The following RPSA2 variants were observed in gnomAD, a reference collection of about 807,000 sequenced individuals.
The protein encoded by RPSA2 is small ribosomal subunit protein uS2B.
chr19:23,758,889 G>C, the RPSA2 span: 1 of 1,184,530 alleles, frequency 8.4e-7, no homozygotes, highest in Non-Finnish European at 1.2e-6. Context: ...TGAAGGGAGA[G>C]ACAAAGGCCC....
chr19:23,836,535 G>A, the RPSA2 span, among the ~76,000 whole-genome samples: 1 of 152,204 alleles, frequency 6.6e-6, no homozygotes, highest in African/African-American at 2.4e-5. Context: ...TAGATACCCA[G>A]TAGTGGGATT....
At chr19:23,762,162 C>T in the RPSA2 span, among the ~76,000 whole-genome samples, 1 of 150,374 alleles carries the variant, frequency 6.7e-6, no homozygotes, top group Non-Finnish European at 1.5e-5. Context: ...GTGATCAGCC[C>T]ACCTCAGCCT....
chr19:23,786,153 A>G, the RPSA2 span, among the ~76,000 whole-genome samples: 4 of 152,252 alleles, frequency 2.6e-5, no homozygotes, highest in African/African-American at 9.6e-5. Context: ...GCTTAGGGCC[A>G]GAGTAAACAC....
chr19:23,853,951 G>A, the RPSA2 span, among the ~76,000 whole-genome samples: 2 of 152,140 alleles, frequency 1.3e-5, no homozygotes, highest in African/African-American at 2.4e-5. Flanking sequence ...TATCTACTAG[G>A]CCATCAAACT....
the RPSA2 span, among the ~76,000 whole-genome samples, chr19:23,857,007 C>T: frequency 6.6e-6 from 1 of 152,158 alleles, no homozygotes; most frequent in South Asian, 2.1e-4. Context: ...GTTTCCCAAT[C>T]CTAGTAAGCC....
the RPSA2 span, among the ~76,000 whole-genome samples, chr19:23,838,410 C>T: frequency 2.4e-3 from 363 of 152,028 alleles, 2 homozygotes; most frequent in Middle Eastern, 6.8e-3. Flanking sequence ...TTGGTTGTGT[C>T]TTTTCCTGGT....
the RPSA2 span, among the ~76,000 whole-genome samples, chr19:23,783,655 A>C: frequency 6.6e-6 from 1 of 152,128 alleles, no homozygotes. Flanking sequence ...TCACTGAAGC[A>C]AACACCTAGG....
At chr19:23,792,226 A>G in the RPSA2 span, among the ~76,000 whole-genome samples, 3 of 152,220 alleles carry the variant, frequency 2.0e-5, no homozygotes, top group South Asian at 6.2e-4. Context: ...TGACATGGAA[A>G]TTAAAGCTTA....
the RPSA2 span, among the ~76,000 whole-genome samples, chr19:23,865,227 A>T: frequency 9.2e-5 from 14 of 152,330 alleles, no homozygotes; most frequent in East Asian, 2.7e-3. Context: ...GAATGACGGT[A>T]CCATGGGGCA....
chr19:23,760,848 A>G, the RPSA2 span, among the ~76,000 whole-genome samples: 1 of 151,106 alleles, frequency 6.6e-6, no homozygotes, highest in Non-Finnish European at 1.5e-5. Context: ...TATGTTTAGC[A>G]GAGTTGGGGT....
the RPSA2 span, among the ~76,000 whole-genome samples, chr19:23,775,687 C>G: frequency 6.6e-6 from 1 of 152,166 alleles, no homozygotes; most frequent in African/African-American, 2.4e-5. Flanking sequence ...TAAGTGAATT[C>G]AGTCCAAAGG....
At chr19:23,798,710 A>ATAT in the RPSA2 span, among the ~76,000 whole-genome samples, 1 of 152,172 alleles carries the variant, frequency 6.6e-6, no homozygotes, top group Non-Finnish European at 1.5e-5. Context: ...GTTACAGTAG[A>ATAT]TATTAGTCTG....
At chr19:23,805,450 A>G in the RPSA2 span, among the ~76,000 whole-genome samples, 10 of 152,186 alleles carry the variant, frequency 6.6e-5, no homozygotes, top group Non-Finnish European at 1.0e-4. Context: ...GGCATGAGCC[A>G]CCTTGCCCAG....
At chr19:23,784,246 T>TTA in the RPSA2 span, among the ~76,000 whole-genome samples, 1 of 152,324 alleles carries the variant, frequency 6.6e-6, no homozygotes, top group Non-Finnish European at 1.5e-5. Context: ...CCCTAGTGTG[T>TTA]TATAGAGAAT....
the RPSA2 span, among the ~76,000 whole-genome samples, chr19:23,859,228 A>G: frequency 6.6e-6 from 1 of 152,234 alleles, no homozygotes; most frequent in Non-Finnish European, 1.5e-5. Context: ...AAAAACTGCT[A>G]CGTACAAACA....
the RPSA2 span, chr19:23,763,214 C>G: frequency 6.5e-6 from 1 of 152,952 alleles, no homozygotes; most frequent in Non-Finnish European, 1.5e-5. Context: ...ACAGTCCGCT[C>G]CCAGGTCGCC....
At chr19:23,855,790 A>G in the RPSA2 span, among the ~76,000 whole-genome samples, 4 of 152,102 alleles carry the variant, frequency 2.6e-5, no homozygotes, top group Non-Finnish European at 5.9e-5. Context: ...AGGGACCAAA[A>G]TGACAGGAGG....
the RPSA2 span, among the ~76,000 whole-genome samples, chr19:23,846,852 GC>G: frequency 6.6e-6 from 1 of 152,124 alleles, no homozygotes; most frequent in East Asian, 1.9e-4. Context: ...GGTCTGTTTT[GC>G]ATTGTATTCT....
chr19:23,784,259 C>G, the RPSA2 span, among the ~76,000 whole-genome samples: 1 of 152,210 alleles, frequency 6.6e-6, no homozygotes. Flanking sequence ...TAGAGAATGT[C>G]ATAACAGGGT....
Sources: gnomAD v4.1 joint callset for allele counts (sites outside exome capture counted in the v4.1 genomes callset) on GRCh38, gnomAD v4.1.1 for gene constraint, MANE v1.5 for transcripts, NCBI Gene and HGNC (gene_info 2026-07-23, HGNC 2026-07-21) for gene names.